Variants in PCBP3 observed in about 807,000 individuals in gnomAD.
PCBP3 encodes poly(rC)-binding protein 3.
A neutral mutation model predicts 52.7 loss-of-function variants in PCBP3; 25 were observed. That is an observed-to-expected ratio of 0.47 (90% CI 0.35 to 0.66). PCBP3 has a LOEUF of 0.66. Among genes scored for constraint, PCBP3 ranks in the 30% least tolerant of loss-of-function variants. The pLI, the probability that PCBP3 is intolerant of heterozygous loss-of-function variation, is 0.01. For missense variants in PCBP3, 391 were observed against 490.3 expected (o/e 0.80, Z 1.91); for synonymous variants, 162 against 183.0 (o/e 0.89, Z 0.93).
At chr21:45,833,921 A>C (rs1477380842) in intron 4 of PCBP3, among the ~76,000 whole-genome samples, 1 of 152,198 alleles carries the variant, frequency 6.6e-6, no homozygotes, top group Non-Finnish European at 1.5e-5. Flanking sequence ...CTGTTTTTTT[A>C]AATGTTGGAA....
At chr21:45,720,842 G>T (rs751015228) in intron 2 of PCBP3, among the ~76,000 whole-genome samples, 7 of 152,240 alleles carry the variant, frequency 4.6e-5, no homozygotes, top group Admixed American at 6.5e-5. Context: ...TGACTTGGTT[G>T]CATGTTCTAA....
chr21:45,888,512 G>C (rs1328245678), intron 5 of PCBP3, among the ~76,000 whole-genome samples: 1 of 152,160 alleles, frequency 6.6e-6, no homozygotes, highest in African/African-American at 2.4e-5. Context: ...CCCAGCCGGG[G>C]CCACCCACAC....
chr21:45,937,326 G>T (rs1177209286), intron 16 of PCBP3, among the ~76,000 whole-genome samples: 1 of 152,162 alleles, frequency 6.6e-6, no homozygotes, highest in Admixed American at 6.5e-5. Flanking sequence ...ATCACTGTGG[G>T]CCTCCCTCAC....
chr21:45,690,809 G>T (rs954980924), intron 2 of PCBP3, among the ~76,000 whole-genome samples: 1 of 152,096 alleles, frequency 6.6e-6, no homozygotes, highest in Non-Finnish European at 1.5e-5. Context: ...AACTAAAGTT[G>T]TAAAGAGATA....
Position 45,837,894 on chromosome 21 carries a change from C to G in PCBP3, c.-125-12067C>G, listed in dbSNP as rs1292617518. ...GTCAATATTCATTGATGGTCATTGCCTGGATGCAGTACACATTAGGGGCTG... is the reference window on the plus strand; with the variant it reads ...GTCAATATTCATTGATGGTCATTGCGTGGATGCAGTACACATTAGGGGCTG... On this transcript the variant is annotated intron_variant, in intron 4 of 17. Transcript: ENST00000681687. The surrounding 1 kb of genome is among the most constrained non-coding windows in gnomAD (Gnocchi z 4.1). 7.9e-5 allele frequency among the ~76,000 whole-genome samples: 12 copies of G among 152,316 alleles called. No homozygotes were observed.
intron 2 of PCBP3, among the ~76,000 whole-genome samples, chr21:45,679,078 AT>A (rs34808106): frequency 0.53 from 63,784 of 120,860 alleles, 16,250 homozygotes; most frequent in East Asian, 0.8. Flanking sequence ...GATTGTTAGC[AT>A]TTTTTTTTTT....
chr21:45,931,914 C>T (rs1255559124), intron 15 of PCBP3, among the ~76,000 whole-genome samples: 1 of 150,256 alleles, frequency 6.7e-6, no homozygotes, highest in Admixed American at 7.0e-5. Context: ...TGAACAAACA[C>T]CCGGGCCATG....
At chr21:45,889,893 C>T (rs767880571) in intron 5 of PCBP3, among the ~76,000 whole-genome samples, 7 of 152,258 alleles carry the variant, frequency 4.6e-5, no homozygotes, top group Non-Finnish European at 1.0e-4. Flanking sequence ...TTATGAAAAC[C>T]AAAGGGAGCT....
chr21:45,822,811 T>C (rs2093182332), intron 4 of PCBP3, among the ~76,000 whole-genome samples: 1 of 152,162 alleles, frequency 6.6e-6, no homozygotes, highest in South Asian at 2.1e-4. Flanking sequence ...TGAGCAGGAC[T>C]AATCAGGCAT....
chr21:45,885,487 C>T (rs1569435585), intron 5 of PCBP3, among the ~76,000 whole-genome samples: 1 of 152,112 alleles, frequency 6.6e-6, no homozygotes, highest in Non-Finnish European at 1.5e-5. Context: ...ATCCCCATCC[C>T]CTTTGTTCTC....
chr21:45,928,873 C>G lies in PCBP3; in HGVS notation c.718-1044C>G, dbSNP rs1216267011. 6.6e-6 allele frequency among the ~76,000 whole-genome samples: 1 copy of G among 152,146 alleles called. No individual in the cohort carries two copies. The highest frequency in any genetic ancestry group is 1.5e-5 in the Non-Finnish European group (1 of 68,014). On this transcript the variant is annotated intron_variant, in intron 13 of 17. Transcript: ENST00000681687. The surrounding 1 kb of genome is among the most constrained non-coding windows in gnomAD (Gnocchi z 4.1). ...GTGCCCTCCCCAAATGTGCCACCTCCCCTGCCTGCTGGGCAGCACCACAGA... is the reference window on the plus strand; with the variant it reads ...GTGCCCTCCCCAAATGTGCCACCTCGCCTGCCTGCTGGGCAGCACCACAGA...
intron 13 of PCBP3, among the ~76,000 whole-genome samples, chr21:45,926,564 G>C (rs573748653): frequency 5.3e-5 from 8 of 152,136 alleles, no homozygotes; most frequent in Admixed American, 1.3e-4. Context: ...GAGAGCCCAG[G>C]ATCCCTCACA....
chr21:45,875,068 G>A (rs577905218), intron 5 of PCBP3, among the ~76,000 whole-genome samples: 4 of 152,366 alleles, frequency 2.6e-5, no homozygotes, highest in East Asian at 3.9e-4. Context: ...CCCGAGCAGC[G>A]CGGTCGCCCC....
rs146639867 is a variant in PCBP3 at position 45,939,333 on chromosome 21, C to T, written c.910-697C>T. ...CTCTGGGGGCCCGAGTTGTCCCCGA[C>T]GCCCCTCATGGCTGCCCCATAGGCC... On this transcript the variant is annotated intron_variant, in intron 16 of 17. Transcript: ENST00000681687. Among the ~76,000 whole-genome samples, 547 of 152,332 alleles carry T rather than the reference C, an allele frequency of 3.6e-3. 3 individuals are homozygous for T. The highest frequency in any genetic ancestry group is 0.013 in the African/African-American group (532 of 41,576).
Position 45,928,162 on chromosome 21 carries a change from A to G in PCBP3, c.718-1755A>G, listed in dbSNP as rs1426600272. ...CTCCTGCCCCCGCAGGGCCTCGTGT[A>G]TCTCCGGGAGGTAGACTGTCCCGGT... On this transcript the variant is annotated intron_variant, in intron 13 of 17. Coordinates refer to ENST00000681687, the MANE Select transcript of PCBP3 (RefSeq NM_001384156.1). The surrounding 1 kb of genome is among the most constrained non-coding windows in gnomAD (Gnocchi z 4.1). Among the ~76,000 whole-genome samples the G allele has an allele frequency of 2.6e-5, 4 of 152,138 alleles. No homozygotes were observed. The highest frequency in any genetic ancestry group is 9.7e-5 in the African/African-American group (4 of 41,448).
At chr21:45,792,350 C>A (rs1346767053) in intron 4 of PCBP3, among the ~76,000 whole-genome samples, 6 of 152,264 alleles carry the variant, frequency 3.9e-5, no homozygotes, top group Non-Finnish European at 8.8e-5. Flanking sequence ...CCACCGAGGC[C>A]AGCGTCTGGC....
intron 2 of PCBP3, among the ~76,000 whole-genome samples, chr21:45,678,997 T>A (rs571713700): frequency 6.6e-6 from 1 of 152,092 alleles, no homozygotes; most frequent in East Asian, 1.9e-4. Context: ...TCAGCCTGAT[T>A]GATCAGCAGC....
intron 5 of PCBP3, among the ~76,000 whole-genome samples, chr21:45,882,815 T>C (rs936869528): frequency 5.3e-5 from 8 of 152,180 alleles, no homozygotes; most frequent in African/African-American, 1.4e-4. Flanking sequence ...GTGTCTTTAT[T>C]GTAGATGGAT....
At chr21:45,789,702 C>T (rs988108937) in intron 4 of PCBP3, among the ~76,000 whole-genome samples, 3 of 152,110 alleles carry the variant, frequency 2.0e-5, no homozygotes, top group Admixed American at 6.5e-5. Context: ...GGTCCTGTGG[C>T]GTCCTAAGAG....
Sources: gnomAD v4.1 joint callset for allele counts (sites outside exome capture counted in the v4.1 genomes callset) on GRCh38, gnomAD v4.1.1 for gene constraint, Gnocchi (gnomAD v3.1) non-coding constraint, MANE v1.5 for transcripts, NCBI Gene and HGNC (gene_info 2026-07-23, HGNC 2026-07-21) for gene names.